DTNB: variants seen among roughly 807,000 people sequenced by gnomAD.
DTNB encodes dystrobrevin beta.
Under a neutral mutation model 90.7 loss-of-function variants are expected in DTNB, and 63 were observed. The ratio of observed to expected loss-of-function variants is 0.69; its 90% CI spans 0.57 to 0.86. The LOEUF (loss-of-function observed/expected upper bound fraction) is 0.86, where lower values mean the gene tolerates loss of function less well. Among genes scored for constraint, DTNB ranks in the 40% least tolerant of loss-of-function variants. DTNB has a pLI of 0.00. For missense variants in DTNB, 744 were observed against 807.1 expected (o/e 0.92, Z 0.95); for synonymous variants, 277 against 286.7 (o/e 0.97, Z 0.34).
chr2:25,613,302 A>G lies in DTNB; in HGVS notation c.363-5981T>C, dbSNP rs116578894. Among the ~76,000 whole-genome samples the G allele has an allele frequency of 5.1e-3, 777 of 152,208 alleles. 5 individuals are homozygous for G. Among genetic ancestry groups the G allele is most frequent in the African/African-American group, 0.017 (721 of 41,500 alleles). Reference sequence around the variant, plus strand: ...ACGTGCAGGTTTATTACATGCGTATATTGCGTGATGCTGAGGTTTGGGGTA... The same window carrying G: ...ACGTGCAGGTTTATTACATGCGTATGTTGCGTGATGCTGAGGTTTGGGGTA... On this transcript the variant is annotated intron_variant, in intron 4 of 20. Coordinates refer to ENST00000406818, the MANE Select transcript of DTNB (RefSeq NM_021907.5).
intron 6 of DTNB, among the ~76,000 whole-genome samples, chr2:25,588,047 C>A (rs1482889234): frequency 6.6e-6 from 1 of 152,164 alleles, no homozygotes; most frequent in Non-Finnish European, 1.5e-5. Flanking sequence ...TTCAGGGGAA[C>A]TTGGCAGTTT....
In DTNB at chr2:25,411,228, G is replaced by A. The variant is rs545667683; in HGVS notation, c.1575+8287C>T. On this transcript the variant is annotated intron_variant, in intron 16 of 20. Coordinates refer to ENST00000406818, the MANE Select transcript of DTNB (RefSeq NM_021907.5). ...ACAAAGATTAGCTGGGCGTGGTGGC[G>A]TGCGCCTGTAATCCCAGCTACTTGG... Among the ~76,000 whole-genome samples the A allele has an allele frequency of 1.3e-4, 20 of 152,010 alleles. No individual in the cohort carries two copies. The East Asian group carries it at 1.5e-3, about 12-fold the overall frequency.
intron 16 of DTNB, among the ~76,000 whole-genome samples, chr2:25,409,446 T>C (rs2149711121): frequency 6.6e-6 from 1 of 152,320 alleles, no homozygotes; most frequent in East Asian, 1.9e-4. Context: ...AGAAATGGGA[T>C]TTAGCTGGCA....
At position 25,482,833 on chromosome 2, in the gene DTNB, T is replaced by A; in HGVS notation, c.1042A>T (p.Ser348Cys). The A allele has an allele frequency of 6.2e-7, 1 of 1,612,944 alleles. No individual in the cohort carries two copies. Among genetic ancestry groups the A allele is most frequent in the Non-Finnish European group, 8.5e-7 (1 of 1,179,604 alleles). ...PLTNMNDTMV[S>C]HMSSGVPTPT... ...GTGGGCACTCCAGAGGACATGTGGC[T>A]AACCATGGTGTCATTCATATTAGTC... The change falls in exon 10 of 21, where the codon AGC (serine) becomes TGC (cysteine). Residue 348 changes from serine (S) to cysteine (C), a missense_variant. Physicochemically the swap from Ser to Cys is moderately radical, Grantham distance 112 (BLOSUM62 -1). Transcript: ENST00000406818.
In DTNB at chr2:25,673,120, G is replaced by A. The variant is rs951796376; in HGVS notation, c.-2+266C>T. Among the ~76,000 whole-genome samples, 5 of 151,692 alleles carry A rather than the reference G, an allele frequency of 3.3e-5. No homozygotes were observed. In the East Asian group the frequency reaches 5.9e-4, roughly 18 times the overall value. ...TCGCGCCCGTGCCCCGGCGCGTTCC[G>A]GACCCCGATACCCCTCCCGGCCCGG... On this transcript the variant is annotated intron_variant, in intron 1 of 20. Transcript: ENST00000406818.
intron 1 of DTNB, among the ~76,000 whole-genome samples, chr2:25,653,815 T>C (rs572405557): frequency 6.6e-6 from 1 of 152,242 alleles, no homozygotes; most frequent in East Asian, 1.9e-4. Context: ...CTCAGCCCTG[T>C]TCAGAGCTTT....
intron 3 of DTNB, among the ~76,000 whole-genome samples, chr2:25,634,433 G>T (rs1302856298): frequency 6.7e-6 from 1 of 148,328 alleles, no homozygotes; most frequent in Non-Finnish European, 1.5e-5. Context: ...GGAGGGAGGT[G>T]GGGGGGTCAG....
intron 8 of DTNB, among the ~76,000 whole-genome samples, chr2:25,534,737 A>G (rs567976302): frequency 1.2e-3 from 169 of 146,760 alleles, no homozygotes; most frequent in Admixed American, 1.9e-3. Flanking sequence ...CACATTCCAG[A>G]CGATGGGCGG....
At chr2:25,543,290 A>G (rs908707196) in intron 8 of DTNB, among the ~76,000 whole-genome samples, 3 of 148,156 alleles carry the variant, frequency 2.0e-5, no homozygotes, top group Non-Finnish European at 4.4e-5. Context: ...GCATAGAGAC[A>G]GGTTTTTTTT....
At chr2:25,459,851 T>C (rs1379624923) in intron 10 of DTNB, among the ~76,000 whole-genome samples, 1 of 152,080 alleles carries the variant, frequency 6.6e-6, no homozygotes, top group Non-Finnish European at 1.5e-5. Flanking sequence ...CTTATGTCTG[T>C]AATCCCAGCA....
In DTNB at chr2:25,427,535, C is replaced by T; in HGVS notation, c.1554G>A (p.Lys518=). ...CTGAGCGTGGGCCACGGGCTCTTAC[C>T]TTCAGCAACTTCATCAGCTCTTCCA... ...VQLEELMKLL[K]EEEQKQAAQA... Residue 518 remains lysine (K), a splice_region_variant and synonymous_variant, in exon 15 of 21, where the codon AAG becomes AAA. Coordinates refer to ENST00000406818, the MANE Select transcript of DTNB (RefSeq NM_021907.5). 1.2e-6 allele frequency: 2 copies of T among 1,613,696 alleles called. No individual in the cohort carries two copies. Among genetic ancestry groups the T allele is most frequent in the Non-Finnish European group, 1.7e-6 (2 of 1,179,756 alleles).
chr2:25,412,724 T>G (rs978079769), intron 16 of DTNB, among the ~76,000 whole-genome samples: 2 of 152,192 alleles, frequency 1.3e-5, no homozygotes, highest in African/African-American at 4.8e-5. Context: ...GATAGCTCAG[T>G]GAATGTGGTA....
Position 25,413,388 on chromosome 2 carries a change from T to C in DTNB, c.1575+6127A>G, listed in dbSNP as rs2047076802. Among the ~76,000 whole-genome samples, 3 of 151,450 alleles carry C rather than the reference T, an allele frequency of 2.0e-5. No individual in the cohort carries two copies. The South Asian group carries it at 6.3e-4, about 32-fold the overall frequency. ...CCACTAACTCGTCATTTACATTAGGTGTATCTCCTAATGCTATCCCTCCCC... is the reference window on the plus strand; with the variant it reads ...CCACTAACTCGTCATTTACATTAGGCGTATCTCCTAATGCTATCCCTCCCC... On this transcript the variant is annotated intron_variant, in intron 16 of 20. Coordinates refer to ENST00000406818, the MANE Select transcript of DTNB (RefSeq NM_021907.5).
intron 16 of DTNB, among the ~76,000 whole-genome samples, chr2:25,405,772 G>C (rs1336755798): frequency 6.6e-6 from 1 of 152,124 alleles, no homozygotes; most frequent in East Asian, 1.9e-4. Context: ...TCCTGCTACA[G>C]GCAAAGGCAA....
At chr2:25,536,311 G>A (rs2150975065) in intron 8 of DTNB, among the ~76,000 whole-genome samples, 1 of 152,346 alleles carries the variant, frequency 6.6e-6, no homozygotes, top group African/African-American at 2.4e-5. Context: ...TGGCGGGCGG[G>A]CAGAGGCTGT....
At chr2:25,486,016 G>A (rs2066034028) in intron 9 of DTNB, among the ~76,000 whole-genome samples, 1 of 151,962 alleles carries the variant, frequency 6.6e-6, no homozygotes, top group Non-Finnish European at 1.5e-5. Context: ...CAGCTACTTG[G>A]GAGGTTGAGG....
At chr2:25,415,244 CTTT>C (rs34257264) in intron 16 of DTNB, among the ~76,000 whole-genome samples, 11 of 123,494 alleles carry the variant, frequency 8.9e-5, no homozygotes, top group Admixed American at 2.6e-4. Flanking sequence ...ATAAGAGCTT[CTTT>C]TTTTTTTTTT....
At chr2:25,444,464 G>A (rs1394357441) in intron 12 of DTNB, among the ~76,000 whole-genome samples, 2 of 150,978 alleles carry the variant, frequency 1.3e-5, no homozygotes, top group African/African-American at 4.9e-5. Flanking sequence ...GAACCTGGGA[G>A]GAGGAGGTTG....
rs759398439 is a variant in DTNB, at chr2:25,576,849, G to A, written c.865C>T (p.His289Tyr). Residue 289 changes from histidine (H) to tyrosine (Y), a missense_variant, in exon 8 of 21, where the codon CAT becomes TAT. Physicochemically the swap from His to Tyr is moderately conservative, Grantham distance 83 (BLOSUM62 2). Transcript: ENST00000406818. ...CACAAAGCAGTTACCCAAGAGGAAT[G>A]CTCCTTCATCTGGTGCTGGTTGCTG... ...PHSNQHQMKE[H>Y]SSWKSPAKKL... 14 of 1,612,064 alleles carry A rather than the reference G, an allele frequency of 8.7e-6. No individual in the cohort carries two copies. Among genetic ancestry groups the A allele is most frequent in the East Asian group, 2.2e-5 (1 of 44,860 alleles).
Sources: gnomAD v4.1 joint callset for allele counts (sites outside exome capture counted in the v4.1 genomes callset) on GRCh38, gnomAD v4.1.1 for gene constraint, MANE v1.5 for transcripts, NCBI Gene and HGNC (gene_info 2026-07-23, HGNC 2026-07-21) for gene names.